BCAS3: variants seen among roughly 807,000 people sequenced by gnomAD.
BCAS3 encodes the protein BCAS4/BCAS3 fusion.
In BCAS3, 53 loss-of-function variants were observed where a neutral mutation model predicts 116.1. The ratio of observed to expected loss-of-function variants is 0.46; its 90% CI spans 0.37 to 0.57. The LOEUF (loss-of-function observed/expected upper bound fraction) is 0.57. Among genes scored for constraint, BCAS3 ranks in the 20% least tolerant of loss-of-function variants. The pLI is 0.00. For missense variants in BCAS3, 917 were observed against 1,165.4 expected (o/e 0.79, Z 3.10); for synonymous variants, 391 against 408.2 (o/e 0.96, Z 0.51).
chr17:60,807,138 T>G (rs893736738), intron 6 of BCAS3, among the ~76,000 whole-genome samples: 7 of 152,210 alleles, frequency 4.6e-5, no homozygotes, highest in African/African-American at 1.4e-4. Flanking sequence ...AATTGAATGC[T>G]TTTTCTGCAT....
At chr17:60,843,510 G>A (rs145456013) in intron 7 of BCAS3, among the ~76,000 whole-genome samples, 5 of 152,182 alleles carry the variant, frequency 3.3e-5, no homozygotes, top group African/African-American at 1.2e-4. Flanking sequence ...TTGAGCCACT[G>A]CACCCGGCCA....
intron 6 of BCAS3, among the ~76,000 whole-genome samples, chr17:60,763,849 TATTA>T (rs2043805414): frequency 1.3e-5 from 2 of 152,236 alleles, no homozygotes; most frequent in South Asian, 2.1e-4. Flanking sequence ...GTTGGTAGGC[TATTA>T]ATTATTGCCT....
At chr17:61,070,366 A>AATATATATATCTATAT in intron 19 of BCAS3, 1 of 311,128 alleles carries the variant, frequency 3.2e-6, no homozygotes, top group Non-Finnish European at 6.5e-6. Context: ...CCTAATTCTG[A>AATATATATATCTATAT]ATATATATAT....
rs1427081522 is a variant in BCAS3 at position 61,066,511 on chromosome 17, A to G, written c.2030-8409A>G. Among the ~76,000 whole-genome samples the G allele has an allele frequency of 2.0e-5, 3 of 152,164 alleles. No homozygotes were observed. The East Asian group carries it at 5.8e-4, about 29-fold the overall frequency. ...TCTTGCTTTACAAAGAAATATTTAA[A>G]TCTTATAAACTTCATTTTTACAAGG... On this transcript the variant is annotated intron_variant, in intron 19 of 23. Transcript: ENST00000407086.
rs1394441677 is a variant in BCAS3, at chr17:60,846,212, G to A, written c.477-22364G>A. Among the ~76,000 whole-genome samples, 8 of 152,276 alleles carry A rather than the reference G, an allele frequency of 5.3e-5. No homozygotes were observed. The East Asian group carries it at 1.5e-3, about 29-fold the overall frequency. On this transcript the variant is annotated intron_variant, in intron 7 of 23. Transcript: ENST00000407086. ...CCCAAAGTGTTGGGATTACAGGCAT[G>A]AGCCACCACACCCAGCCCCATTCTA...
In BCAS3 at chr17:60,824,630, T is replaced by C. The variant is rs1342004267; in HGVS notation, c.476+16554T>C. Among the ~76,000 whole-genome samples the C allele has an allele frequency of 4.6e-5, 7 of 152,216 alleles. No individual in the cohort carries two copies. The East Asian group carries it at 1.3e-3, about 29-fold the overall frequency. On this transcript the variant is annotated intron_variant, in intron 7 of 23. Transcript: ENST00000407086. ...GTCACCAATAGATCCATTCCATTCTTCTGTTTTGCAAGTAATTCTTGCTCA... is the reference window on the plus strand; with the variant it reads ...GTCACCAATAGATCCATTCCATTCTCCTGTTTTGCAAGTAATTCTTGCTCA...
chr17:60,910,737 A>G (rs2058448599), intron 12 of BCAS3, 35 bp downstream of exon 12: 2 of 1,539,694 alleles, frequency 1.3e-6, no homozygotes, highest in Admixed American at 3.9e-5. Context: ...CATGTGTGTT[A>G]CTTGCAAAGA....
chr17:61,025,387 C>T (rs2066167354), intron 16 of BCAS3, among the ~76,000 whole-genome samples: 1 of 152,038 alleles, frequency 6.6e-6, no homozygotes, highest in Non-Finnish European at 1.5e-5. Flanking sequence ...TACAGAATCT[C>T]AGATCCCAGC....
At chr17:61,166,883 T>TTTGTTG (rs576481251) in intron 22 of BCAS3, among the ~76,000 whole-genome samples, 34 of 151,418 alleles carry the variant, frequency 2.2e-4, no homozygotes, top group African/African-American at 8.0e-4. Context: ...ACTGGCTAAT[T>TTTGTTG]TTGTTGTTGT....
At chr17:60,820,279 T>G (rs1249145218) in intron 7 of BCAS3, among the ~76,000 whole-genome samples, 1 of 151,936 alleles carries the variant, frequency 6.6e-6, no homozygotes, top group Non-Finnish European at 1.5e-5. Flanking sequence ...TCTCCTGACC[T>G]TGTGATCTGC....
intron 7 of BCAS3, among the ~76,000 whole-genome samples, chr17:60,837,501 G>T (rs1817639275): frequency 6.6e-6 from 1 of 152,056 alleles, no homozygotes; most frequent in African/African-American, 2.4e-5. Context: ...AGATAATAAG[G>T]TAATATTATA....
At chr17:60,874,479 A>G (rs1599344330) in intron 8 of BCAS3, among the ~76,000 whole-genome samples, 183 bp from the exon 9 acceptor site, 2 of 152,264 alleles carry the variant, frequency 1.3e-5, no homozygotes, top group South Asian at 2.1e-4. Flanking sequence ...TTTGTGGTTT[A>G]TATTTTTACA....
chr17:60,973,162 T>G (rs1164176608), intron 14 of BCAS3, among the ~76,000 whole-genome samples: 1 of 152,040 alleles, frequency 6.6e-6, no homozygotes, highest in Non-Finnish European at 1.5e-5. Flanking sequence ...ATGTGACTTT[T>G]TTTGCTCTTT....
At chr17:61,262,691 ATT>A (rs556925842) in intron 22 of BCAS3, among the ~76,000 whole-genome samples, 23 of 132,770 alleles carry the variant, frequency 1.7e-4, no homozygotes, top group South Asian at 2.4e-4. Flanking sequence ...AGGAGACTTA[ATT>A]TTTTTTTTTT....
chr17:60,770,834 G>GTTTT lies in BCAS3; in HGVS notation c.403+23583_403+23586dup, dbSNP rs60854011. 5.6e-3 allele frequency among the ~76,000 whole-genome samples: 429 copies of GTTTT among 76,768 alleles called. 40 individuals are homozygous for GTTTT. Among genetic ancestry groups the GTTTT allele is most frequent in the Middle Eastern group, 0.022 (2 of 90 alleles). The allele number at this position is 76,768 out of a possible 152,430, so 50.4% of individuals were successfully genotyped here. ...GATCTTGAACCTAAAACTGAAATTT[G>GTTTT]TTTTTTTTTTTTTTTTTTTTTTTTT... On this transcript the variant is annotated intron_variant, in intron 6 of 23. Transcript: ENST00000407086.
In BCAS3 at chr17:60,859,040, C is replaced by A. The variant is rs369594815; in HGVS notation, c.477-9536C>A. On this transcript the variant is annotated intron_variant, in intron 7 of 23. Transcript: ENST00000407086. ...ATGCATGAAATCATTTATTTTAGAG[C>A]TAATGTAAGCTTAGCCCACATTATA... 5.9e-5 allele frequency among the ~76,000 whole-genome samples: 9 copies of A among 151,786 alleles called. No individual in the cohort carries two copies. The East Asian group carries it at 1.7e-3, about 29-fold the overall frequency.
In BCAS3 at chr17:61,012,096, C is replaced by T. The variant is rs904303041; in HGVS notation, c.1487-3655C>T. On this transcript the variant is annotated intron_variant, in intron 15 of 23. Transcript: ENST00000407086. This position sits in a 1 kb window ranked among gnomAD's most constrained non-coding sequence, Gnocchi z 4.5. The stretch of plus-strand genomic sequence containing the variant: ...AAACAATAATAAAAGTGACTCCTTA[C>T]TTTTTGTTCCTGAGTCATTTTTCAG... 6.6e-6 allele frequency among the ~76,000 whole-genome samples: 1 copy of T among 151,822 alleles called. No individual in the cohort carries two copies. Among genetic ancestry groups the T allele is most frequent in the Non-Finnish European group, 1.5e-5 (1 of 67,906 alleles).
In BCAS3 at chr17:61,278,743, A is replaced by G. The variant is rs1263909354; in HGVS notation, c.2426-89584A>G. On this transcript the variant is annotated intron_variant, in intron 22 of 23. Coordinates refer to ENST00000407086, the MANE Select transcript of BCAS3 (RefSeq NM_017679.5). This position sits in a 1 kb window ranked among gnomAD's most constrained non-coding sequence, Gnocchi z 5.8. ...TGGAAGAACCAGCCAGTATGGTTCC[A>G]CTTATATGACATGTCCAGAATAGGA... Among the ~76,000 whole-genome samples, 1 of 152,334 alleles carries G rather than the reference A, an allele frequency of 6.6e-6. No homozygotes were observed. The highest frequency in any genetic ancestry group is 1.9e-4 in the East Asian group (1 of 5,184).
At chr17:61,090,918 G>A (rs1269503278) in intron 22 of BCAS3, among the ~76,000 whole-genome samples, 1 of 152,162 alleles carries the variant, frequency 6.6e-6, no homozygotes, top group East Asian at 1.9e-4. Flanking sequence ...GCCTCCCAAA[G>A]TGCTGGGATT....
Sources: allele counts gnomAD v4.1 joint callset (sites outside exome capture counted in the v4.1 genomes callset), GRCh38; gene constraint gnomAD v4.1.1; non-coding constraint Gnocchi (gnomAD v3.1); transcripts MANE v1.5; gene names NCBI Gene and HGNC (gene_info 2026-07-23, HGNC 2026-07-21).